The following CSMD2 variants were observed in gnomAD, a reference collection of about 807,000 sequenced individuals.
The protein encoded by CSMD2 is CUB and sushi domain-containing protein 2.
In CSMD2, 130 loss-of-function variants were observed where a neutral mutation model predicts 398.5. The ratio of observed to expected loss-of-function variants is 0.33; its 90% CI spans 0.28 to 0.38. The LOEUF (loss-of-function observed/expected upper bound fraction) is 0.38. Among genes scored for constraint, CSMD2 ranks in the 10% least tolerant of loss-of-function variants. The pLI is 1.00. For missense variants in CSMD2, 3,829 were observed against 4,764.9 expected (o/e 0.80, Z 5.78); for synonymous variants, 1,828 against 1,908.5 (o/e 0.96, Z 1.10).
chr1:33,963,786 C>T (rs1221636807), intron 3 of CSMD2, among the ~76,000 whole-genome samples: 1 of 152,174 alleles, frequency 6.6e-6, no homozygotes, highest in Non-Finnish European at 1.5e-5. Context: ...GGATATACTA[C>T]TATTTATTTA....
In CSMD2 at chr1:33,537,191, C is replaced by T. The variant is rs1339506711; in HGVS notation, c.9806-96G>A. The T allele has an allele frequency of 2.1e-6, 3 of 1,400,890 alleles. No homozygotes were observed. Among genetic ancestry groups the T allele is most frequent in the East Asian group, 2.3e-5 (1 of 43,722 alleles). The allele number at this position is 1,400,890 out of a possible 1,614,324, so 86.8% of individuals were successfully genotyped here. ...AATAGGTGTAGAAAAGAAAATGCGGCCACATCCTGACTTCCCTGCCCACTG... is the reference window on the plus strand; with the variant it reads ...AATAGGTGTAGAAAAGAAAATGCGGTCACATCCTGACTTCCCTGCCCACTG... On this transcript the variant is annotated intron_variant, in intron 61 of 70. Coordinates refer to ENST00000373381, the MANE Select transcript of CSMD2 (RefSeq NM_001281956.2). The surrounding 1 kb of genome is among the most constrained non-coding windows in gnomAD (Gnocchi z 4.6).
chr1:33,575,604 A>G (rs16835609), intron 49 of CSMD2, among the ~76,000 whole-genome samples: 19,362 of 152,186 alleles, frequency 0.13, 1,571 homozygotes, highest in East Asian at 0.25. Context: ...GGATGGGTCA[A>G]CTGAAGTCTG....
At chr1:34,036,978 C>T (rs1281067561) in intron 2 of CSMD2, among the ~76,000 whole-genome samples, 1 of 152,110 alleles carries the variant, frequency 6.6e-6, no homozygotes, top group Non-Finnish European at 1.5e-5. Context: ...TCTGGCTGGA[C>T]ACATACACCC....
chr1:33,900,884 G>A lies in CSMD2; in HGVS notation c.920+17210C>T, dbSNP rs542740763. On this transcript the variant is annotated intron_variant, in intron 5 of 70. Transcript: ENST00000373381. ...TAGCTCTCAAAGTGATTATACTGTT[G>A]AAGGTATATTAAGGCAGGAGGAAGG... Among the ~76,000 whole-genome samples, 59 of 152,290 alleles carry A rather than the reference G, an allele frequency of 3.9e-4. 1 individual carries two copies. The South Asian group carries it at 0.012, about 30-fold the overall frequency.
chr1:33,633,574 C>T lies in CSMD2; in HGVS notation c.5087-39G>A, dbSNP rs772884746. ...ACAGTGTGGGGACTGGGCAGGCACG[C>T]TGGGGGCAGGAGAGGGGATCTAGGG... On this transcript the variant is annotated intron_variant, in intron 31 of 70. Transcript: ENST00000373381. This position sits in a 1 kb window ranked among gnomAD's most constrained non-coding sequence, Gnocchi z 5.0. The T allele has an allele frequency of 2.0e-6, 3 of 1,473,518 alleles. No individual in the cohort carries two copies. In the South Asian group the frequency reaches 3.6e-5, roughly 18 times the overall value. 91.3% of individuals were successfully genotyped at this position (1,473,518 alleles called of 1,614,324 possible).
At chr1:33,792,590 G>T in intron 10 of CSMD2, 64 bp from the exon 11 acceptor site, 1 of 1,062,346 alleles carries the variant, frequency 9.4e-7, no homozygotes. Flanking sequence ...AAAGCCTTGA[G>T]GGGAGGAAGG....
intron 21 of CSMD2, among the ~76,000 whole-genome samples, chr1:33,710,044 A>G (rs953615751): frequency 9.9e-5 from 15 of 152,090 alleles, no homozygotes; most frequent in Non-Finnish European, 1.5e-5. Context: ...TTGTTCTCAT[A>G]CCTTTATTTA....
chr1:33,580,612 T>C, intron 48 of CSMD2, 141 bp downstream of exon 48: 1 of 757,508 alleles, frequency 1.3e-6, no homozygotes. Context: ...AATAGAAAAA[T>C]AGGAGGTAGG....
chr1:34,081,824 C>T (rs548561173), intron 2 of CSMD2, among the ~76,000 whole-genome samples: 62 of 152,112 alleles, frequency 4.1e-4, no homozygotes, highest in Admixed American at 3.9e-3. Flanking sequence ...GCCGCCACCC[C>T]GTCTAGGAAG....
At chr1:33,744,521 T>C (rs1439436147) in intron 13 of CSMD2, among the ~76,000 whole-genome samples, 1 of 152,042 alleles carries the variant, frequency 6.6e-6, no homozygotes, top group Non-Finnish European at 1.5e-5. Flanking sequence ...TTTTAAGCTA[T>C]TTTCATGCCA....
At chr1:34,085,905 G>T (rs1657821012) in intron 2 of CSMD2, among the ~76,000 whole-genome samples, 1 of 151,692 alleles carries the variant, frequency 6.6e-6, no homozygotes, top group African/African-American at 2.4e-5. Context: ...ACTTCCCACA[G>T]ACTGTGTGAG....
intron 44 of CSMD2, chr1:33,592,518 A>C (rs1018795622): frequency 2.0e-5 from 14 of 717,172 alleles, no homozygotes; most frequent in Middle Eastern, 2.3e-4. Context: ...GAACATTATG[A>C]GTGGCACAGG....
chr1:34,054,536 A>G (rs1055214553), intron 2 of CSMD2, among the ~76,000 whole-genome samples: 1 of 152,146 alleles, frequency 6.6e-6, no homozygotes, highest in African/African-American at 2.4e-5. Context: ...CCTGGCTAAC[A>G]CGGTGAAATC....
In CSMD2 at chr1:33,649,408, C is replaced by T. The variant is rs1047016911; in HGVS notation, c.4587-2573G>A. ...TCTGTAATCTCAGCACTTTGGGAGGCCAAGGTGGGCAGGTCACTTGAGGCC... is the reference window on the plus strand; with the variant it reads ...TCTGTAATCTCAGCACTTTGGGAGGTCAAGGTGGGCAGGTCACTTGAGGCC... On this transcript the variant is annotated intron_variant, in intron 28 of 70. Coordinates refer to ENST00000373381, the MANE Select transcript of CSMD2 (RefSeq NM_001281956.2). Among the ~76,000 whole-genome samples, 9 of 152,302 alleles carry T rather than the reference C, an allele frequency of 5.9e-5. No individual in the cohort carries two copies. In the East Asian group the frequency reaches 1.7e-3, roughly 29 times the overall value.
At chr1:33,985,246 C>G (rs182121300) in intron 3 of CSMD2, among the ~76,000 whole-genome samples, 26 of 152,274 alleles carry the variant, frequency 1.7e-4, no homozygotes, top group African/African-American at 5.8e-4. Context: ...TCCCCATCCA[C>G]CCCACCCCTC....
chr1:34,058,837 G>A (rs1342280974), intron 2 of CSMD2, among the ~76,000 whole-genome samples: 1 of 152,154 alleles, frequency 6.6e-6, no homozygotes, highest in Non-Finnish European at 1.5e-5. Flanking sequence ...TCTACCACCT[G>A]CCAGACATGA....
chr1:33,741,237 T>C (rs991298489), intron 14 of CSMD2, among the ~76,000 whole-genome samples: 2 of 152,056 alleles, frequency 1.3e-5, no homozygotes, highest in African/African-American at 2.4e-5. Flanking sequence ...CTGCTAGCTA[T>C]GGAGAGAGCT....
chr1:33,994,767 T>C lies in CSMD2; in HGVS notation c.517+37827A>G, dbSNP rs115450792. Among the ~76,000 whole-genome samples, 749 of 152,280 alleles carry C rather than the reference T, an allele frequency of 4.9e-3. 7 individuals carry two copies. The highest frequency in any genetic ancestry group is 0.017 in the African/African-American group (712 of 41,554). On this transcript the variant is annotated intron_variant, in intron 3 of 70. Coordinates refer to ENST00000373381, the MANE Select transcript of CSMD2 (RefSeq NM_001281956.2). ...TCATTCATAGATCAGTTGGTTTACG[T>C]AGCTAAGCAGTATTTCCACCGGGCA...
rs551908663 is a variant in CSMD2 at position 33,920,294 on chromosome 1, C to T, written c.713-1993G>A. 2.0e-3 allele frequency among the ~76,000 whole-genome samples: 297 copies of T among 150,716 alleles called. 2 individuals carry two copies. The highest frequency in any genetic ancestry group is 0.015 in the South Asian group (69 of 4,740). On this transcript the variant is annotated intron_variant, in intron 4 of 70. Transcript: ENST00000373381. ...CTGTAATCCCAGCAATTTGGGAGGC[C>T]GAGGTGGGCGGATCAACTGAGGTCA...
Sources: gnomAD v4.1 joint callset for allele counts (sites outside exome capture counted in the v4.1 genomes callset) on GRCh38, gnomAD v4.1.1 for gene constraint, Gnocchi (gnomAD v3.1) non-coding constraint, MANE v1.5 for transcripts, NCBI Gene and HGNC (gene_info 2026-07-23, HGNC 2026-07-21) for gene names.